Variants in HDLBP observed in about 807,000 individuals in gnomAD.
HDLBP encodes the protein vigilin.
HDLBP carries 30 observed loss-of-function variants against 137.3 expected under a neutral mutation model. That is an observed-to-expected ratio of 0.22 (90% CI 0.16 to 0.30). The LOEUF is 0.30. Among genes scored for constraint, HDLBP ranks in the 10% least tolerant of loss-of-function variants. HDLBP has a pLI of 1.00. For missense variants in HDLBP, 1,119 were observed against 1,667.3 expected, an observed-to-expected ratio of 0.67 and a Z score of 5.73; for synonymous variants, 606 against 596.0, an observed-to-expected ratio of 1.02 and a Z score of -0.24.
intron 1 of HDLBP, among the ~76,000 whole-genome samples, chr2:241,287,396 C>T (rs754035991): frequency 2.0e-5 from 3 of 151,162 alleles, no homozygotes; most frequent in East Asian, 2.0e-4. Context: ...CATAAGCCAC[C>T]GCGCCCGGCC....
intron 22 of HDLBP, 21 bp from the exon 23 acceptor site, chr2:241,235,276 C>T (rs769122889): frequency 4.3e-6 from 7 of 1,614,080 alleles, no homozygotes; most frequent in Non-Finnish European, 5.9e-6. Flanking sequence ...AGGGGGCTGA[C>T]TTGACGTTCA....
chr2:241,254,279 A>C (rs2072441478), intron 9 of HDLBP, among the ~76,000 whole-genome samples: 1 of 152,098 alleles, frequency 6.6e-6, no homozygotes, highest in Non-Finnish European at 1.5e-5. Context: ...AAAAGGAATA[A>C]AATAAAAAAA....
At chr2:241,249,348 T>C (rs751151055) in intron 12 of HDLBP, 1 of 471,396 alleles carries the variant, frequency 2.1e-6, no homozygotes, top group Non-Finnish European at 4.4e-6. Context: ...AGTGTGGGTA[T>C]CTGACTCACA....
intron 1 of HDLBP, among the ~76,000 whole-genome samples, chr2:241,270,148 A>G (rs551876235): frequency 1.3e-5 from 2 of 152,054 alleles, no homozygotes; most frequent in Non-Finnish European, 2.9e-5. Flanking sequence ...TTCTGAGACC[A>G]CTCACACACC....
chr2:241,311,067 C>A (rs185002492), intron 1 of HDLBP, among the ~76,000 whole-genome samples: 73 of 151,892 alleles, frequency 4.8e-4, no homozygotes, highest in Non-Finnish European at 9.4e-4. Context: ...TGAGCTATGA[C>A]AGCGCCACCG....
intron 1 of HDLBP, 55 bp from the exon 2 acceptor site, chr2:241,268,596 T>G (rs1404284559): frequency 9.3e-6 from 6 of 643,032 alleles, no homozygotes; most frequent in Non-Finnish European, 1.2e-5. Flanking sequence ...GAAAAGTTAC[T>G]TATCTACATT....
rs761292510 is a variant in HDLBP at position 241,239,875 on chromosome 2, G to C, written c.2391+26C>G. ...GCCACCCCATCACGGCCCCAGCAGA[G>C]TCGGCCGCCGAGGCCCGCTCCCTAC... On this transcript the variant is annotated intron_variant, in intron 18 of 27. Coordinates refer to ENST00000310931, the MANE Select transcript of HDLBP (RefSeq NM_005336.6). This position sits in a 1 kb window ranked among gnomAD's most constrained non-coding sequence, Gnocchi z 4.6. 1.9e-6 allele frequency: 3 copies of C among 1,612,384 alleles called. No homozygotes were observed. Among genetic ancestry groups the C allele is most frequent in the Non-Finnish European group, 2.5e-6 (3 of 1,178,550 alleles).
chr2:241,276,749 C>G (rs889329018), intron 1 of HDLBP, among the ~76,000 whole-genome samples: 6 of 152,076 alleles, frequency 3.9e-5, no homozygotes, highest in Non-Finnish European at 7.4e-5. Flanking sequence ...TTCAGTAACT[C>G]TGATTACATG....
rs1559506203 is a variant in HDLBP at position 241,253,476 on chromosome 2, C to T, written c.1210G>A (p.Gly404Ser). Residue 404 changes from glycine (G) to serine (S), a missense_variant, in exon 10 of 28, where the codon GGC becomes AGC. Transcript: ENST00000310931. ...CCCTCCAGGGTGATCTTGTCTTCGC[C>T]CTCTGTGAACTCGATGTGAACCTAC... ...MPKVHIEFTE[G>S]EDKITLEGPT... is the part of the protein sequence containing the mutation. The T allele has an allele frequency of 6.2e-7, 1 of 1,613,220 alleles. No individual in the cohort carries two copies. Among genetic ancestry groups the T allele is most frequent in the Non-Finnish European group, 8.5e-7 (1 of 1,179,212 alleles).
intron 1 of HDLBP, chr2:241,273,565 C>A: frequency 1.0e-6 from 1 of 977,358 alleles, no homozygotes; most frequent in African/African-American, 1.7e-5. Flanking sequence ...TAAGTGATAA[C>A]TGCCACTGTT....
chr2:241,253,450 G>A lies in HDLBP; in HGVS notation c.1236C>T (p.Gly412=). The A allele has an allele frequency of 1.2e-6, 2 of 1,613,730 alleles. No homozygotes were observed. Among genetic ancestry groups the A allele is most frequent in the Non-Finnish European group, 1.7e-6 (2 of 1,179,622 alleles). ...TEGEDKITLE[G]PTEDVNVAQE... ...GGGCCACATTGACATCCTCTGTAGGGCCCTCCAGGGTGATCTTGTCTTCGC... is the reference window on the plus strand; with the variant it reads ...GGGCCACATTGACATCCTCTGTAGGACCCTCCAGGGTGATCTTGTCTTCGC... Residue 412 remains glycine, a synonymous_variant, in exon 10 of 28, where the codon GGC becomes GGT. Transcript: ENST00000310931.
Position 241,268,550 on chromosome 2 carries a change from G to A in HDLBP, c.-102-9C>T. The A allele has an allele frequency of 1.0e-6, 1 of 969,564 alleles. No individual in the cohort carries two copies. Among genetic ancestry groups the A allele is most frequent in the African/African-American group, 1.8e-5 (1 of 56,996 alleles). 60.1% of individuals were successfully genotyped at this position (969,564 alleles called of 1,614,324 possible). A position where few individuals can be genotyped will look rare whatever the true frequency, so the allele number is the denominator to read the frequency against. On this transcript the variant is annotated splice_polypyrimidine_tract_variant and intron_variant, in intron 1 of 27. Coordinates refer to ENST00000310931, the MANE Select transcript of HDLBP (RefSeq NM_005336.6). ...CAGCCTGCCAGCTTTTGCTGGTATGGGATGGGAAGTGGGAGAGGAGAGAGA... is the reference window on the plus strand; with the variant it reads ...CAGCCTGCCAGCTTTTGCTGGTATGAGATGGGAAGTGGGAGAGGAGAGAGA...
intron 5 of HDLBP, among the ~76,000 whole-genome samples, chr2:241,259,996 TATTTA>T (rs1247852634): frequency 1.3e-5 from 2 of 150,438 alleles, no homozygotes; most frequent in African/African-American, 4.9e-5. Context: ...ATTAAGAAGT[TATTTA>T]TTTATTTATT....
intron 1 of HDLBP, among the ~76,000 whole-genome samples, chr2:241,304,731 C>A (rs904512132): frequency 1.3e-5 from 2 of 152,176 alleles, no homozygotes; most frequent in South Asian, 4.1e-4. Flanking sequence ...CTGGTTGGTC[C>A]CACTCCTGAA....
intron 8 of HDLBP, 56 bp downstream of exon 8, chr2:241,255,318 G>T: frequency 6.6e-7 from 1 of 1,514,272 alleles, no homozygotes. Context: ...GCTCATCCAT[G>T]AAGGCCCCGC....
At chr2:241,280,151 G>A in intron 1 of HDLBP, 2 of 980,286 alleles carry the variant, frequency 2.0e-6, no homozygotes, top group Non-Finnish European at 2.4e-6. Context: ...GAGTGTGGTG[G>A]TCAAAGTCAG....
At chr2:241,296,072 A>G (rs532434549) in intron 1 of HDLBP, among the ~76,000 whole-genome samples, 1 of 151,716 alleles carries the variant, frequency 6.6e-6, no homozygotes, top group African/African-American at 2.4e-5. Context: ...AAATTCACCT[A>G]AACATAAAAC....
At chr2:241,279,930 TTTAAC>T (rs2074534242) in intron 1 of HDLBP, 8 of 985,296 alleles carry the variant, frequency 8.1e-6, no homozygotes, top group Non-Finnish European at 9.6e-6. Flanking sequence ...CTCTCTTTGC[TTTAAC>T]TTATCACCTG....
At chr2:241,234,662 G>A (rs1046162703) in intron 23 of HDLBP, among the ~76,000 whole-genome samples, 1 of 152,164 alleles carries the variant, frequency 6.6e-6, no homozygotes, top group Non-Finnish European at 1.5e-5. Context: ...GCAGCGCTCC[G>A]CTCATACAAT....
Sources: allele counts gnomAD v4.1 joint callset (sites outside exome capture counted in the v4.1 genomes callset), GRCh38; gene constraint gnomAD v4.1.1; non-coding constraint Gnocchi (gnomAD v3.1); transcripts MANE v1.5; gene names NCBI Gene and HGNC (gene_info 2026-07-23, HGNC 2026-07-21).